AQR: variants seen among roughly 807,000 people sequenced by gnomAD.
AQR encodes the protein RNA helicase aquarius.
A neutral mutation model predicts 180.5 loss-of-function variants in AQR; 61 were observed. That is an observed-to-expected ratio of 0.34 (90% CI 0.28 to 0.42). The LOEUF (loss-of-function observed/expected upper bound fraction) is 0.42. Ranked by LOEUF, AQR falls within the 10% of genes least tolerant of loss-of-function variation. The pLI is 1.00. For missense variants in AQR, 1,281 were observed against 1,798.3 expected, an observed-to-expected ratio of 0.71 and a Z score of 5.20; for synonymous variants, 551 against 588.8, an observed-to-expected ratio of 0.94 and a Z score of 0.93.
At chr15:34,918,647 T>C (rs1893634811) in intron 14 of AQR, among the ~76,000 whole-genome samples, 1 of 152,252 alleles carries the variant, frequency 6.6e-6, no homozygotes, top group African/African-American at 2.4e-5. Flanking sequence ...TTCCTAACCT[T>C]AGTTTCCTTT....
intron 13 of AQR, among the ~76,000 whole-genome samples, chr15:34,923,293 T>C (rs1000183674): frequency 6.6e-6 from 1 of 152,162 alleles, no homozygotes; most frequent in Non-Finnish European, 1.5e-5. Flanking sequence ...ACACATCCCC[T>C]GCGGAAAGTA....
At chr15:34,867,665 G>A in intron 31 of AQR, 56 bp from the exon 32 acceptor site, 1 of 1,227,044 alleles carries the variant, frequency 8.1e-7, no homozygotes, top group South Asian at 1.3e-5. Flanking sequence ...AGACACTAGA[G>A]ATCATTTAAA....
rs368058372 is a variant in AQR, at chr15:34,896,881, G to A, written c.2460+16C>T. On this transcript the variant is annotated intron_variant, in intron 22 of 34. Transcript: ENST00000156471. ...CAAACAAACAAACAAACAAACAGGT[G>A]TAACAATTCTCTTACCATAGTCAGC... The A allele has an allele frequency of 3.1e-5, 50 of 1,592,552 alleles. No homozygotes were observed. Among genetic ancestry groups the A allele is most frequent in the Non-Finnish European group, 4.0e-5 (47 of 1,162,072 alleles).
chr15:34,898,091 C>G (rs1242944827), intron 20 of AQR, among the ~76,000 whole-genome samples: 2 of 152,086 alleles, frequency 1.3e-5, no homozygotes, highest in African/African-American at 2.4e-5. Context: ...AGAAGACATT[C>G]CTGGAAGAAA....
At chr15:34,915,962 A>AG (rs1893577418) in intron 15 of AQR, among the ~76,000 whole-genome samples, 4 of 152,002 alleles carry the variant, frequency 2.6e-5, no homozygotes, top group South Asian at 4.2e-4. Flanking sequence ...AAAAAAAAAA[A>AG]AGAGAGAGAA....
intron 12 of AQR, 67 bp from the exon 13 acceptor site, chr15:34,927,205 A>G (rs1893778242): frequency 1.1e-6 from 1 of 880,606 alleles, no homozygotes. Flanking sequence ...TCTACTATTT[A>G]AGAATGAAAA....
chr15:34,866,360 T>G (rs1478011196), intron 32 of AQR, among the ~76,000 whole-genome samples: 1 of 152,100 alleles, frequency 6.6e-6, no homozygotes, highest in Non-Finnish European at 1.5e-5. Flanking sequence ...TACAAATAAA[T>G]TTAAGTTATT....
intron 4 of AQR, 64 bp from the exon 5 acceptor site, chr15:34,948,448 C>G: frequency 6.6e-7 from 1 of 1,521,762 alleles, no homozygotes; most frequent in Non-Finnish European, 8.8e-7. Flanking sequence ...ATACATAACT[C>G]ACCCAGAAAA....
intron 3 of AQR, 48 bp from the exon 4 acceptor site, chr15:34,952,968 G>T (rs753511779): frequency 4.5e-6 from 5 of 1,115,046 alleles, no homozygotes; most frequent in Non-Finnish European, 6.4e-6. Context: ...GAATACAAAC[G>T]TTTCAGAGTT....
intron 6 of AQR, chr15:34,943,356 G>T (rs937883920): frequency 1.4e-6 from 2 of 1,470,730 alleles, no homozygotes; most frequent in African/African-American, 1.4e-5. Flanking sequence ...TTTTGAACTG[G>T]GAGGAGATAA....
intron 19 of AQR, among the ~76,000 whole-genome samples, 169 bp downstream of exon 19, chr15:34,904,167 A>G (rs1434953649): frequency 6.6e-6 from 1 of 152,138 alleles, no homozygotes; most frequent in Non-Finnish European, 1.5e-5. Context: ...TTAAATTTTT[A>G]TATTTCATCA....
chr15:34,863,062 A>G (rs764586831), intron 32 of AQR, 21 bp from the exon 33 acceptor site: 1 of 1,600,130 alleles, frequency 6.2e-7, no homozygotes, highest in Non-Finnish European at 8.5e-7. Flanking sequence ...TAAACAAAAT[A>G]ATTAGCACAC....
chr15:34,944,625 G>A (rs1894082027), intron 5 of AQR, among the ~76,000 whole-genome samples, 197 bp from the exon 6 acceptor site: 1 of 152,198 alleles, frequency 6.6e-6, no homozygotes, highest in East Asian at 1.9e-4. Context: ...ACAGGACTAT[G>A]AGAGAGCTGC....
At chr15:34,921,472 A>G (rs899744307) in intron 13 of AQR, among the ~76,000 whole-genome samples, 2 of 151,578 alleles carry the variant, frequency 1.3e-5, no homozygotes, top group African/African-American at 4.9e-5. Flanking sequence ...TGTTTATACC[A>G]GCCTTGGACA....
At chr15:34,862,301 A>G (rs749157441) in intron 33 of AQR, among the ~76,000 whole-genome samples, 7 of 152,162 alleles carry the variant, frequency 4.6e-5, no homozygotes, top group Non-Finnish European at 1.0e-4. Context: ...TATAATGATA[A>G]ATAACATGAA....
Position 34,897,553 on chromosome 15 carries a change from A to C in AQR, c.2390+6T>G. The C allele has an allele frequency of 6.2e-7, 1 of 1,613,748 alleles. No homozygotes were observed. Among genetic ancestry groups the C allele is most frequent in the African/African-American group, 1.3e-5 (1 of 75,030 alleles). The stretch of plus-strand genomic sequence containing the variant: ...TCATTACAATTATAATAGGTAGTAA[A>C]ATTACCGTTTGGGTTGATTATAAGG... On this transcript the variant is annotated splice_donor_region_variant and intron_variant, in intron 21 of 34. Transcript: ENST00000156471.
rs2140461543 is a variant in AQR at position 34,870,862 on chromosome 15, G to A, written c.3658C>T (p.Pro1220Ser). The A allele has an allele frequency of 6.2e-7, 1 of 1,613,044 alleles. No individual in the cohort carries two copies. The highest frequency in any genetic ancestry group is 8.5e-7 in the Non-Finnish European group (1 of 1,179,498). The change falls in exon 31 of 35, where the codon CCT becomes TCT. Residue 1220 changes from proline (P) to serine (S), a missense_variant. Physicochemically the swap from Pro to Ser is moderately conservative, Grantham distance 74 (BLOSUM62 -1). Coordinates refer to ENST00000156471, the MANE Select transcript of AQR (RefSeq NM_014691.3). The part of the protein sequence containing the change: ...LFMYMCLLGY[P>S]ADKISILTTY... ...GTTAGAATACTGATTTTGTCAGCAG[G>A]GTAACCAAGTAAACACATGTACATA...
At position 34,930,358 on chromosome 15, in the gene AQR, A is replaced by G; in HGVS notation, c.914T>C (p.Leu305Pro). The G allele has an allele frequency of 6.3e-7, 1 of 1,598,720 alleles. No homozygotes were observed. Among genetic ancestry groups the G allele is most frequent in the Non-Finnish European group, 8.6e-7 (1 of 1,167,260 alleles). Residue 305 changes from leucine (L) to proline (P), a missense_variant, in exon 12 of 35, where the codon CTT becomes CCT. By Grantham distance (98) the Leu-to-Pro change is moderately conservative. Around this residue, in one of 9 missense-constraint regions of AQR, gnomAD observed 404 missense variants for 490.9 expected, o/e 0.82. Transcript: ENST00000156471. ...AATTTCAAAACCAGTATAGAATTTA[A>G]GCATGTCCAAAAGCTGAAGAAACAC... Reference protein sequence around the residue: ...GHLFSQLLDMLKFYTGFEIND... With the variant: ...GHLFSQLLDMPKFYTGFEIND...
chr15:34,880,905 T>G (rs1222764064), intron 27 of AQR, among the ~76,000 whole-genome samples: 1 of 152,134 alleles, frequency 6.6e-6, no homozygotes, highest in Non-Finnish European at 1.5e-5. Flanking sequence ...CTTTTTTTGT[T>G]AAGTGGACCT....
Sources: gnomAD v4.1 joint callset for allele counts (sites outside exome capture counted in the v4.1 genomes callset) on GRCh38, gnomAD v4.1.1 for gene constraint, gnomAD v4.1.1 regional missense constraint, MANE v1.5 for transcripts, NCBI Gene and HGNC (gene_info 2026-07-23, HGNC 2026-07-21) for gene names.